The following CACHD1 variants were observed in gnomAD, a reference collection of about 807,000 sequenced individuals.
CACHD1 encodes the protein cache domain containing 1, also known as VWFA and cache domain-containing protein 1.
Under a neutral mutation model 138.7 loss-of-function variants are expected in CACHD1, and 71 were observed. The ratio of observed to expected loss-of-function variants is 0.51; its 90% CI spans 0.42 to 0.62. CACHD1 has a LOEUF of 0.62. Ranked by LOEUF, CACHD1 falls within the 20% of genes least tolerant of loss-of-function variation. CACHD1 has a pLI of 0.00. For synonymous variants in CACHD1, 578 were observed against 591.5 expected (o/e 0.98, Z 0.33); for missense variants, 1,389 against 1,625.3 (o/e 0.85, Z 2.50).
chr1:64,656,224 T>C (rs1290609543), intron 12 of CACHD1, among the ~76,000 whole-genome samples: 1 of 152,210 alleles, frequency 6.6e-6, no homozygotes, highest in Non-Finnish European at 1.5e-5. Context: ...TTGAGAAACT[T>C]ATGTTTACAA....
At position 64,472,168 on chromosome 1, in the gene CACHD1, GGTT is replaced by G. The variant is rs772526425; in HGVS notation, c.198+1227_198+1229del. On this transcript the variant is annotated intron_variant, in intron 1 of 26. Coordinates refer to ENST00000651257, the MANE Select transcript of CACHD1 (RefSeq NM_020925.4). ...GTGTTTAAGTCACTTTTGGGATTTAGGTTTCTTACTTCTTTCTTCTTCGTCGCG... is the reference window on the plus strand; with the variant it reads ...GTGTTTAAGTCACTTTTGGGATTTAGTCTTACTTCTTTCTTCTTCGTCGCG... Among the ~76,000 whole-genome samples the G allele has an allele frequency of 1.3e-3, 168 of 134,356 alleles. 1 individual carries two copies. Among genetic ancestry groups the G allele is most frequent in the Non-Finnish European group, 1.8e-3 (116 of 62,784 alleles). The allele number at this position is 134,356 out of a possible 152,430, so 88.1% of individuals were successfully genotyped here.
At chr1:64,495,043 G>A (rs1418465025) in intron 1 of CACHD1, among the ~76,000 whole-genome samples, 1 of 152,054 alleles carries the variant, frequency 6.6e-6, no homozygotes, top group Non-Finnish European at 1.5e-5. Flanking sequence ...ATATGGGCAT[G>A]GGTTATGAGA....
chr1:64,527,448 T>C lies in CACHD1; in HGVS notation c.199-23146T>C, dbSNP rs1320489716. On this transcript the variant is annotated intron_variant, in intron 1 of 26. Coordinates refer to ENST00000651257, the MANE Select transcript of CACHD1 (RefSeq NM_020925.4). ...CGTTTCTTCGGGGAGTCTTGTGATA[T>C]GTATTTTGTGCGGTAACAGTGTGGA... Among the ~76,000 whole-genome samples, 4 of 152,318 alleles carry C rather than the reference T, an allele frequency of 2.6e-5. No individual in the cohort carries two copies. The East Asian group carries it at 5.8e-4, about 22-fold the overall frequency.
At chr1:64,588,814 A>G (rs919595901) in intron 3 of CACHD1, among the ~76,000 whole-genome samples, 3 of 152,164 alleles carry the variant, frequency 2.0e-5, no homozygotes, top group African/African-American at 7.2e-5. Context: ...AGAAGGGGGC[A>G]AAGGGGAGCA....
chr1:64,663,951 C>G, intron 14 of CACHD1, 114 bp downstream of exon 14: 2 of 1,359,282 alleles, frequency 1.5e-6, no homozygotes, highest in South Asian at 2.7e-5. Context: ...TGCCTCTCAG[C>G]TGGAGAGCTG....
At chr1:64,529,273 T>C (rs1016641332) in intron 1 of CACHD1, among the ~76,000 whole-genome samples, 3 of 152,102 alleles carry the variant, frequency 2.0e-5, no homozygotes, top group Non-Finnish European at 4.4e-5. Flanking sequence ...CATAGAAAAA[T>C]ATTGCTTATT....
At chr1:64,502,843 C>T (rs1646347790) in intron 1 of CACHD1, among the ~76,000 whole-genome samples, 2 of 152,238 alleles carry the variant, frequency 1.3e-5, no homozygotes, top group South Asian at 4.1e-4. Context: ...TAAAACTGAC[C>T]ACTGAATTAT....
chr1:64,664,566 G>A lies in CACHD1; in HGVS notation c.2163G>A (p.Met721Ile), dbSNP rs146608231. Residue 721 changes from methionine to isoleucine, a missense_variant, in exon 15 of 27, where the codon ATG (methionine) becomes ATA (isoleucine). By Grantham distance (10) the Met-to-Ile change is conservative. Around this residue, in one of 5 missense-constraint regions of CACHD1, gnomAD observed 1,000 missense variants for 1,114.7 expected, o/e 0.90. Coordinates refer to ENST00000651257, the MANE Select transcript of CACHD1 (RefSeq NM_020925.4). ...VTDEWMTQME[M>I]SSLNTYIVRR... ...ATGAATGGATGACACAAATGGAAAT[G>A]AGTAGCCTGAACACTTACATTGTCC... 34 of 1,614,074 alleles carry A rather than the reference G, an allele frequency of 2.1e-5. No homozygotes were observed. Among genetic ancestry groups the A allele is most frequent in the Non-Finnish European group, 2.7e-5 (32 of 1,180,038 alleles).
intron 4 of CACHD1, among the ~76,000 whole-genome samples, chr1:64,620,570 G>A (rs1647876917): frequency 6.6e-6 from 1 of 152,128 alleles, no homozygotes; most frequent in Non-Finnish European, 1.5e-5. Context: ...TGCCAGCGAT[G>A]TTTGCCATCA....
At chr1:64,599,282 G>C (rs1373697350) in intron 3 of CACHD1, among the ~76,000 whole-genome samples, 1 of 152,166 alleles carries the variant, frequency 6.6e-6, no homozygotes, top group Admixed American at 6.5e-5. Flanking sequence ...ATATCTAATA[G>C]ATAGGACTGT....
intron 26 of CACHD1, among the ~76,000 whole-genome samples, chr1:64,688,235 C>T (rs760209305): frequency 2.0e-4 from 31 of 152,078 alleles, no homozygotes; most frequent in Non-Finnish European, 3.8e-4. Flanking sequence ...TGAATAATCA[C>T]TGGGATTTTG....
chr1:64,477,446 A>G (rs1408211363), intron 1 of CACHD1, among the ~76,000 whole-genome samples: 1 of 152,120 alleles, frequency 6.6e-6, no homozygotes, highest in Non-Finnish European at 1.5e-5. Flanking sequence ...TTTAAACTAC[A>G]AAGATTTAAA....
chr1:64,536,111 T>C (rs2100416302), intron 1 of CACHD1, among the ~76,000 whole-genome samples: 1 of 152,354 alleles, frequency 6.6e-6, no homozygotes, highest in South Asian at 2.1e-4. Flanking sequence ...AGTAAGTTTC[T>C]AGTTATGCAA....
intron 1 of CACHD1, among the ~76,000 whole-genome samples, chr1:64,472,516 G>C (rs1353686176): frequency 1.3e-5 from 2 of 152,142 alleles, no homozygotes; most frequent in Non-Finnish European, 2.9e-5. Flanking sequence ...TTCTTGATTT[G>C]CATAATAATA....
In CACHD1 at chr1:64,641,963, A is replaced by AT; in HGVS notation, c.1151dup (p.Met384IlefsTer19). The stretch of plus-strand genomic sequence containing the variant: ...TGTAATGATTCTCACCTATGCCCTC[A>AT]TGAACGGTAGGTAGAGTTTCAAGAT... On this transcript the variant is annotated frameshift_variant, in exon 8 of 27. Transcript: ENST00000651257. LOFTEE classifies it high-confidence loss of function. 6.4e-7 allele frequency: 1 copy of AT among 1,569,576 alleles called. No individual in the cohort carries two copies. Among genetic ancestry groups the AT allele is most frequent in the Non-Finnish European group, 8.6e-7 (1 of 1,164,106 alleles).
chr1:64,508,755 CTGT>C (rs2100342448), intron 1 of CACHD1, among the ~76,000 whole-genome samples: 1 of 152,310 alleles, frequency 6.6e-6, no homozygotes, highest in Admixed American at 6.5e-5. Context: ...ACTCAGTCTT[CTGT>C]TAAGACACTA....
At chr1:64,600,286 A>G (rs540247271) in intron 3 of CACHD1, among the ~76,000 whole-genome samples, 13 of 152,338 alleles carry the variant, frequency 8.5e-5, no homozygotes, top group Non-Finnish European at 1.5e-4. Context: ...TTCTAAAAGA[A>G]TCTGCATAGC....
At chr1:64,647,630 T>A (rs568263585) in intron 8 of CACHD1, among the ~76,000 whole-genome samples, 171 bp from the exon 9 acceptor site, 242 of 152,306 alleles carry the variant, frequency 1.6e-3, no homozygotes, top group Non-Finnish European at 3.0e-3. Flanking sequence ...CCTCAGGCTT[T>A]GTTTCCTCAG....
chr1:64,527,893 A>C (rs536737689), intron 1 of CACHD1, among the ~76,000 whole-genome samples: 36 of 152,262 alleles, frequency 2.4e-4, no homozygotes, highest in African/African-American at 8.4e-4. Context: ...TATGTTTCTC[A>C]GTTGTCATTT....
Sources: allele counts gnomAD v4.1 joint callset (sites outside exome capture counted in the v4.1 genomes callset), GRCh38; gene constraint gnomAD v4.1.1; regional missense constraint gnomAD v4.1.1; transcripts MANE v1.5; gene names NCBI Gene and HGNC (gene_info 2026-07-23, HGNC 2026-07-21).